Variants in LRBA observed in about 807,000 individuals in gnomAD.
LRBA encodes lipopolysaccharide-responsive and beige-like anchor protein.
LRBA carries 176 observed loss-of-function variants against 330.0 expected under a neutral mutation model. The ratio of observed to expected loss-of-function variants is 0.53; its 90% CI spans 0.47 to 0.60. LRBA has a LOEUF of 0.60. Ranked by LOEUF, LRBA falls within the 20% of genes least tolerant of loss-of-function variation. The pLI is 0.00. For synonymous variants in LRBA, 1,230 were observed against 1,193.0 expected (o/e 1.03, Z -0.64); for missense variants, 3,259 against 3,444.8 (o/e 0.95, Z 1.35).
intron 12 of LRBA, 81 bp from the exon 13 acceptor site, chr4:150,906,071 A>G: frequency 8.2e-7 from 1 of 1,225,876 alleles, no homozygotes; most frequent in South Asian, 1.4e-5. Flanking sequence ...CAGGAAAAAA[A>G]CTGGCCCACA....
intron 35 of LRBA, among the ~76,000 whole-genome samples, chr4:150,757,144 T>C (rs1734420299): frequency 1.3e-5 from 2 of 152,186 alleles, no homozygotes; most frequent in Non-Finnish European, 2.9e-5. Flanking sequence ...CTAAAATAAA[T>C]TTGTTTAAAA....
chr4:150,430,742 G>C (rs907320086), intron 46 of LRBA, among the ~76,000 whole-genome samples: 1 of 151,542 alleles, frequency 6.6e-6, no homozygotes, highest in African/African-American at 2.4e-5. Flanking sequence ...TATTAAATTC[G>C]GGGTTTCTAA....
rs1413570953 is a variant in LRBA, at chr4:150,647,350, TTC to T, written c.5921+36199_5921+36200del. 7.4e-5 allele frequency among the ~76,000 whole-genome samples: 8 copies of T among 107,888 alleles called. No individual in the cohort carries two copies. The East Asian group carries it at 1.1e-3, about 15-fold the overall frequency. The allele number at this position is 107,888 out of a possible 152,430, so 70.8% of individuals were successfully genotyped here. On this transcript the variant is annotated intron_variant, in intron 37 of 56. Transcript: ENST00000651943. ...CTGTAAAAAGTAAAATGATTACTTT[TTC>T]TTTTTTTTTTTTTTTTTTTTTTTGA...
At chr4:150,746,081 C>T (rs1235859339) in intron 35 of LRBA, among the ~76,000 whole-genome samples, 1 of 152,124 alleles carries the variant, frequency 6.6e-6, no homozygotes, top group Non-Finnish European at 1.5e-5. Flanking sequence ...CCTGTCCTTA[C>T]ATTTATCTAA....
chr4:150,542,083 G>T (rs539292133), intron 40 of LRBA, among the ~76,000 whole-genome samples: 49 of 152,252 alleles, frequency 3.2e-4, no homozygotes, highest in African/African-American at 1.1e-3. Context: ...TTGCATTTTA[G>T]AATAGTATTT....
chr4:150,778,304 A>G (rs1560804843), intron 34 of LRBA, among the ~76,000 whole-genome samples: 1 of 152,216 alleles, frequency 6.6e-6, no homozygotes, highest in Non-Finnish European at 1.5e-5. Flanking sequence ...TATAAATATT[A>G]CAGGTCAGTT....
At chr4:150,651,075 A>G (rs1779661871) in intron 37 of LRBA, among the ~76,000 whole-genome samples, 1 of 152,202 alleles carries the variant, frequency 6.6e-6, no homozygotes, top group South Asian at 2.1e-4. Flanking sequence ...AAATCCTCTT[A>G]AATTTTATGG....
chr4:150,585,927 GT>G (rs370087006), intron 40 of LRBA, among the ~76,000 whole-genome samples: 42 of 152,272 alleles, frequency 2.8e-4, no homozygotes, highest in African/African-American at 9.6e-4. Context: ...ACAGGCTTAA[GT>G]TGTGTAAGAT....
intron 9 of LRBA, among the ~76,000 whole-genome samples, 180 bp downstream of exon 9, chr4:150,914,015 A>G (rs1311491975): frequency 6.6e-6 from 1 of 152,136 alleles, no homozygotes; most frequent in Non-Finnish European, 1.5e-5. Flanking sequence ...AAACCATCCA[A>G]TTACACTATT....
intron 47 of LRBA, among the ~76,000 whole-genome samples, chr4:150,371,531 T>C (rs1740322541): frequency 6.6e-6 from 1 of 152,104 alleles, no homozygotes; most frequent in Non-Finnish European, 1.5e-5. Context: ...TCTTATTATG[T>C]TCAGGGTACT....
rs1580874816 is a variant in LRBA at position 150,277,863 on chromosome 4, A to G, written c.8458T>C (p.Tyr2820His). Residue 2820 changes from tyrosine to histidine, a missense_variant, in exon 56 of 57, where the codon TAC (tyrosine) becomes CAC (histidine). Physicochemically the swap from Tyr to His is moderately conservative, Grantham distance 83. Transcript: ENST00000651943. Reference sequence around the variant, plus strand: ...TGATTCCAGTGTTACCTCTGGTCGTAAGACAGCGCCATGGCCCGGATTCCA... The same window carrying G: ...TGATTCCAGTGTTACCTCTGGTCGTGAGACAGCGCCATGGCCCGGATTCCA... ...DAGIRAMALS[Y>H]DQRCIISGMA... is the part of the protein sequence containing the mutation. 6.2e-7 allele frequency: 1 copy of G among 1,614,074 alleles called. No individual in the cohort carries two copies. The highest frequency in any genetic ancestry group is 8.5e-7 in the Non-Finnish European group (1 of 1,179,998).
intron 35 of LRBA, among the ~76,000 whole-genome samples, chr4:150,737,621 A>C (rs1395350633): frequency 6.6e-6 from 1 of 151,908 alleles, no homozygotes; most frequent in Non-Finnish European, 1.5e-5. Flanking sequence ...AAGGGTCAAG[A>C]GTATACCACT....
chr4:150,421,282 T>A (rs1430294141), intron 46 of LRBA, among the ~76,000 whole-genome samples: 2 of 142,506 alleles, frequency 1.4e-5, no homozygotes, highest in Non-Finnish European at 3.0e-5. Flanking sequence ...AATATAAATA[T>A]ATACTTATAC....
intron 40 of LRBA, among the ~76,000 whole-genome samples, chr4:150,545,414 T>C (rs1310753519): frequency 6.6e-6 from 1 of 152,156 alleles, no homozygotes; most frequent in Non-Finnish European, 1.5e-5. Flanking sequence ...CTGAAACCTA[T>C]CAGTTAAATT....
intron 37 of LRBA, among the ~76,000 whole-genome samples, chr4:150,618,261 G>T (rs1307432172): frequency 6.6e-6 from 1 of 152,142 alleles, no homozygotes; most frequent in Non-Finnish European, 1.5e-5. Context: ...CTCGGCTAGG[G>T]ATATAGCATG....
intron 40 of LRBA, among the ~76,000 whole-genome samples, chr4:150,502,894 A>G (rs1297574623): frequency 9.9e-5 from 15 of 152,196 alleles, no homozygotes; most frequent in Admixed American, 9.8e-4. Flanking sequence ...AATGGCACAC[A>G]AGGAGATTAT....
intron 2 of LRBA, among the ~76,000 whole-genome samples, chr4:151,003,751 C>T (rs1024588544): frequency 6.0e-4 from 91 of 152,024 alleles, no homozygotes; most frequent in African/African-American, 1.9e-3. Flanking sequence ...GTAATCATGC[C>T]GCTGCACTCT....
intron 37 of LRBA, among the ~76,000 whole-genome samples, chr4:150,625,905 T>G (rs538028385): frequency 5.3e-5 from 8 of 151,902 alleles, no homozygotes; most frequent in African/African-American, 1.7e-4. Flanking sequence ...AGACAGGGTT[T>G]CGCCATGTTG....
intron 17 of LRBA, among the ~76,000 whole-genome samples, chr4:150,880,883 A>C (rs1728305927): frequency 2.0e-5 from 3 of 152,212 alleles, no homozygotes; most frequent in Non-Finnish European, 2.9e-5. Context: ...AAACGCCACA[A>C]ACAGACACTT....
Sources: gnomAD v4.1 joint callset for allele counts (sites outside exome capture counted in the v4.1 genomes callset) on GRCh38, gnomAD v4.1.1 for gene constraint, MANE v1.5 for transcripts, NCBI Gene and HGNC (gene_info 2026-07-23, HGNC 2026-07-21) for gene names.